The following PCDHGA2 variants were observed in gnomAD, a reference collection of about 807,000 sequenced individuals.
PCDHGA2 encodes protocadherin gamma-A2.
A neutral mutation model predicts 59.2 loss-of-function variants in PCDHGA2; 40 were observed. The ratio of observed to expected loss-of-function variants is 0.68; its 90% confidence interval spans 0.52 to 0.88. PCDHGA2 has a LOEUF of 0.88. PCDHGA2 is among the 40% of genes least tolerant of loss of function. PCDHGA2 has a pLI of 0.00. For synonymous variants in PCDHGA2, 560 were observed against 526.0 expected (o/e 1.06, Z -0.89); for missense variants, 1,226 against 1,204.0 (o/e 1.02, Z -0.27).
chr5:141,350,095 G>A, intron 1 of PCDHGA2: 1 of 464,990 alleles, frequency 2.2e-6, no homozygotes, highest in Non-Finnish European at 3.6e-6. Context: ...GCGTCAGGCA[G>A]GGTGCCTTCC....
At chr5:141,403,261 G>A in intron 1 of PCDHGA2, 1 of 1,613,852 alleles carries the variant, frequency 6.2e-7, no homozygotes, top group East Asian at 2.2e-5. Flanking sequence ...CGCGGTGTCT[G>A]GTGAACTTTA....
chr5:141,489,150 T>C lies in PCDHGA2; in HGVS notation c.2425-5657T>C. The C allele has an allele frequency of 1.7e-5, 15 of 862,654 alleles. No individual in the cohort carries two copies. Among genetic ancestry groups the C allele is most frequent in the Middle Eastern group, 2.5e-4 (1 of 4,044 alleles). 53.4% of individuals were successfully genotyped at this position (862,654 alleles called of 1,614,324 possible). On this transcript the variant is annotated intron_variant, in intron 1 of 3. Transcript: ENST00000394576. The surrounding 1 kb of genome is among the most constrained non-coding windows in gnomAD (Gnocchi z 4.5). ...GTTTTTAAGAGGCTGGAAGGAGACA[T>C]AAGAGACTTCAGCTGCTGCATTCCA...
At chr5:141,424,982 G>T (rs2096852076) in intron 1 of PCDHGA2, among the ~76,000 whole-genome samples, 1 of 152,106 alleles carries the variant, frequency 6.6e-6, no homozygotes, top group South Asian at 2.1e-4. Context: ...GGATATTTAT[G>T]TTCCCTTTCA....
intron 1 of PCDHGA2, chr5:141,345,929 G>A: frequency 1.2e-6 from 2 of 1,613,502 alleles, no homozygotes; most frequent in Admixed American, 1.7e-5. Context: ...CGCGAGCCCT[G>A]CTGGACAGAG....
At chr5:141,371,918 C>G in intron 1 of PCDHGA2, 7 of 1,613,372 alleles carry the variant, frequency 4.3e-6, no homozygotes, top group Non-Finnish European at 5.1e-6. Context: ...TGTCCGTGAG[C>G]GCGCGGAGCG....
chr5:141,432,173 GTC>G lies in PCDHGA2; in HGVS notation c.2425-62630_2425-62629del. 6.2e-7 allele frequency: 1 copy of G among 1,614,054 alleles called. No individual in the cohort carries two copies. Among genetic ancestry groups the G allele is most frequent in the Non-Finnish European group, 8.5e-7 (1 of 1,180,018 alleles). Reference sequence around the variant, plus strand: ...GAACAATCCCAGAGGAGTTTCCCTCGTCTCTGTGACCGCCCACGACCCCGACT... The same window carrying G: ...GAACAATCCCAGAGGAGTTTCCCTCGTCTGTGACCGCCCACGACCCCGACT... On this transcript the variant is annotated intron_variant, in intron 1 of 3. Coordinates refer to ENST00000394576, the MANE Select transcript of PCDHGA2 (RefSeq NM_018915.4). This position sits in a 1 kb window ranked among gnomAD's most constrained non-coding sequence, Gnocchi z 6.0.
chr5:141,444,146 T>C (rs2098418879), intron 1 of PCDHGA2, among the ~76,000 whole-genome samples: 2 of 145,824 alleles, frequency 1.4e-5, no homozygotes, highest in South Asian at 4.3e-4. Flanking sequence ...CACTTGTGTG[T>C]ACTGGATTTT....
In PCDHGA2 at chr5:141,493,468, T is replaced by C. The variant is rs960204561; in HGVS notation, c.2425-1339T>C. On this transcript the variant is annotated intron_variant, in intron 1 of 3. Transcript: ENST00000394576. The surrounding 1 kb of genome is among the most constrained non-coding windows in gnomAD (Gnocchi z 4.3). ...TGGGGTTCCTTCCCTTTTAGGACCT[T>C]ACATGTGGGGAAAGTCTTCTGTGGC... Among the ~76,000 whole-genome samples the C allele has an allele frequency of 4.6e-5, 7 of 152,144 alleles. No individual in the cohort carries two copies. Among genetic ancestry groups the C allele is most frequent in the African/African-American group, 1.4e-4 (6 of 41,426 alleles).
intron 1 of PCDHGA2, chr5:141,355,396 A>G: frequency 2.5e-6 from 4 of 1,614,080 alleles, no homozygotes; most frequent in Non-Finnish European, 3.4e-6. Flanking sequence ...CGGAGTCCGC[A>G]TCGTCTCCAG....
chr5:141,469,853 G>A (rs549678022), intron 1 of PCDHGA2, among the ~76,000 whole-genome samples: 5 of 152,270 alleles, frequency 3.3e-5, no homozygotes, highest in South Asian at 2.1e-4. Context: ...GATTCAGACC[G>A]GGTGCAATGG....
chr5:141,383,869 G>C (rs1311272718), intron 1 of PCDHGA2: 1 of 1,613,980 alleles, frequency 6.2e-7, no homozygotes, highest in Non-Finnish European at 8.5e-7. Context: ...GGCTCAAGAT[G>C]GTCCTGGTAG....
rs1185020546 is a variant in PCDHGA2, at chr5:141,485,472, C to A, written c.2425-9335C>A. 3 of 1,614,138 alleles carry A rather than the reference C, an allele frequency of 1.9e-6. No homozygotes were observed. Among genetic ancestry groups the A allele is most frequent in the Non-Finnish European group, 2.5e-6 (3 of 1,180,022 alleles). On this transcript the variant is annotated intron_variant, in intron 1 of 3. Transcript: ENST00000394576. The surrounding 1 kb of genome is among the most constrained non-coding windows in gnomAD (Gnocchi z 5.7). The stretch of plus-strand genomic sequence containing the variant: ...CGAGAGGCACTGTGTGGGCTCAGTG[C>A]CAGCTGCATCGTGCCCCTGGAGTTT...
chr5:141,510,032 T>C (rs1410346284), intron 3 of PCDHGA2, among the ~76,000 whole-genome samples: 3 of 152,150 alleles, frequency 2.0e-5, no homozygotes, highest in Non-Finnish European at 4.4e-5. Flanking sequence ...GCTGGGCTGT[T>C]ATGTAGAGGT....
chr5:141,507,601 A>G (rs2099861935), intron 3 of PCDHGA2, among the ~76,000 whole-genome samples: 1 of 152,254 alleles, frequency 6.6e-6, no homozygotes, highest in South Asian at 2.1e-4. Flanking sequence ...TGAGGGAAAT[A>G]AACAGGTATA....
In PCDHGA2 at chr5:141,356,738, T is replaced by C; in HGVS notation, c.2424+15343T>C. On this transcript the variant is annotated intron_variant, in intron 1 of 3. Transcript: ENST00000394576. ...GTCTCCATCAACTCCAATACAGGGA[T>C]CCTATATGCTCTTTGCTCCTTCGAC... 1 of 1,613,924 alleles carries C rather than the reference T, an allele frequency of 6.2e-7. No individual in the cohort carries two copies. Among genetic ancestry groups the C allele is most frequent in the Non-Finnish European group, 8.5e-7 (1 of 1,179,848 alleles).
intron 1 of PCDHGA2, chr5:141,344,859 C>G (rs760943952): frequency 1.2e-6 from 2 of 1,613,788 alleles, no homozygotes; most frequent in Non-Finnish European, 1.7e-6. Context: ...ATTCAATGCT[C>G]AAGTGTCTTA....
At chr5:141,344,518 T>C in intron 1 of PCDHGA2, 1 of 1,614,042 alleles carries the variant, frequency 6.2e-7, no homozygotes, top group Non-Finnish European at 8.5e-7. Flanking sequence ...GACCCAGATG[T>C]AGGCATTAAC....
At chr5:141,356,635 C>G (rs1308841461) in intron 1 of PCDHGA2, 13 of 1,614,022 alleles carry the variant, frequency 8.1e-6, no homozygotes, top group Non-Finnish European at 1.1e-5. Flanking sequence ...TGCTCAAGAC[C>G]CTGACAGTGG....
At chr5:141,356,550 C>T (rs954388230) in intron 1 of PCDHGA2, 1 of 1,614,172 alleles carries the variant, frequency 6.2e-7, no homozygotes, top group Non-Finnish European at 8.5e-7. Flanking sequence ...ACAACCCACC[C>T]ACTTTCCCTC....
Sources: gnomAD v4.1 joint callset for allele counts (sites outside exome capture counted in the v4.1 genomes callset) on GRCh38, gnomAD v4.1.1 for gene constraint, Gnocchi (gnomAD v3.1) non-coding constraint, MANE v1.5 for transcripts, NCBI Gene and HGNC (gene_info 2026-07-23, HGNC 2026-07-21) for gene names.